The following SIK2 variants were observed in gnomAD, a reference collection of about 807,000 sequenced individuals.
The protein encoded by SIK2 is serine/threonine-protein kinase SIK2.
A neutral mutation model predicts 103.2 loss-of-function variants in SIK2; 29 were observed. The ratio of observed to expected loss-of-function variants is 0.28; its 90% CI spans 0.21 to 0.38. SIK2 has a LOEUF of 0.38. Ranked by LOEUF, SIK2 falls within the 10% of genes least tolerant of loss-of-function variation. The pLI is 1.00. For missense variants in SIK2, 879 were observed against 1,171.0 expected, an observed-to-expected ratio of 0.75 and a Z score of 3.64; for synonymous variants, 412 against 446.1, an observed-to-expected ratio of 0.92 and a Z score of 0.96.
intron 7 of SIK2, among the ~76,000 whole-genome samples, chr11:111,704,451 G>A (rs1397897965): frequency 6.6e-6 from 1 of 152,154 alleles, no homozygotes; most frequent in Non-Finnish European, 1.5e-5. Context: ...AAAAACAAGA[G>A]GAAAAAATTA....
rs1331337823 is a variant in SIK2, at chr11:111,730,117, AAAGT to A, written c.*5991_*5994del. 1.3e-5 allele frequency: 2 copies of A among 152,268 alleles called. No individual in the cohort carries two copies. The highest frequency in any genetic ancestry group is 6.5e-5 in the Admixed American group (1 of 15,294). The allele number at this position is 152,268 out of a possible 1,614,324, so 9.4% of individuals were successfully genotyped here. A position where few individuals can be genotyped will look rare whatever the true frequency, so the allele number is the denominator to read the frequency against. On this transcript the variant is annotated 3_prime_UTR_variant, in exon 15 of 15. Transcript: ENST00000304987. ...AGTGCTTATTACTTTTAGGATTAAA[AAAGT>A]AATAACAGACTTTGACTTAATACTC...
intron 3 of SIK2, among the ~76,000 whole-genome samples, chr11:111,622,041 A>G (rs778273028): frequency 3.9e-5 from 6 of 151,998 alleles, no homozygotes; most frequent in East Asian, 1.9e-4. Context: ...TCTTTAAACA[A>G]TTATCTTTTA....
chr11:111,628,690 G>C (rs1459897290), intron 3 of SIK2, among the ~76,000 whole-genome samples: 2 of 151,930 alleles, frequency 1.3e-5, no homozygotes, highest in Non-Finnish European at 2.9e-5. Flanking sequence ...GCCTCCCAAA[G>C]CACTGGATTA....
chr11:111,640,875 C>G (rs1441483732), intron 3 of SIK2, among the ~76,000 whole-genome samples: 1 of 151,850 alleles, frequency 6.6e-6, no homozygotes, highest in African/African-American at 2.4e-5. Context: ...GCTGGGACTA[C>G]AGGCCCCCGC....
intron 4 of SIK2, among the ~76,000 whole-genome samples, chr11:111,698,718 A>G (rs1943139173): frequency 6.6e-6 from 1 of 152,242 alleles, no homozygotes. Context: ...CTCAAAAAAG[A>G]AAAGAAAGAA....
intron 3 of SIK2, among the ~76,000 whole-genome samples, chr11:111,660,876 T>G: frequency 6.6e-6 from 1 of 150,922 alleles, no homozygotes; most frequent in East Asian, 1.9e-4. Context: ...GTTCTTGTTT[T>G]GTTTAAGAGA....
chr11:111,677,222 TA>T (rs1271659384), intron 3 of SIK2, among the ~76,000 whole-genome samples: 1 of 152,140 alleles, frequency 6.6e-6, no homozygotes, highest in Non-Finnish European at 1.5e-5. Context: ...AATTATTGCC[TA>T]AAAAAACAGC....
intron 2 of SIK2, among the ~76,000 whole-genome samples, chr11:111,619,493 A>G (rs1217578848): frequency 6.6e-6 from 1 of 152,142 alleles, no homozygotes; most frequent in Non-Finnish European, 1.5e-5. Context: ...ACAGGTGCAC[A>G]CCACCACACC....
intron 3 of SIK2, among the ~76,000 whole-genome samples, chr11:111,681,487 T>A (rs1942777007): frequency 1.3e-5 from 2 of 152,230 alleles, no homozygotes; most frequent in Non-Finnish European, 1.5e-5. Flanking sequence ...GATATTTCAA[T>A]ATGTTGCCTA....
At chr11:111,638,168 G>T (rs1942135029) in intron 3 of SIK2, among the ~76,000 whole-genome samples, 1 of 152,216 alleles carries the variant, frequency 6.6e-6, no homozygotes, top group Admixed American at 6.5e-5. Flanking sequence ...GGTTGCCATA[G>T]TTTTGGCCTT....
At chr11:111,619,908 A>G (rs1941859903) in intron 2 of SIK2, among the ~76,000 whole-genome samples, 1 of 152,236 alleles carries the variant, frequency 6.6e-6, no homozygotes, top group Non-Finnish European at 1.5e-5. Flanking sequence ...TTTAATCGGA[A>G]TCTACCATGA....
intron 3 of SIK2, among the ~76,000 whole-genome samples, chr11:111,638,474 C>T (rs1365664578): frequency 6.6e-6 from 1 of 152,172 alleles, no homozygotes; most frequent in Admixed American, 6.5e-5. Flanking sequence ...GTTCCTGAGT[C>T]TTTGGGGCAT....
chr11:111,720,418 C>T, intron 10 of SIK2, 60 bp from the exon 11 acceptor site: 1 of 1,485,398 alleles, frequency 6.7e-7, no homozygotes. Flanking sequence ...ATGCTTTGTA[C>T]CCTATGTTCC....
chr11:111,705,187 C>T lies in SIK2; in HGVS notation c.1101+48C>T, dbSNP rs781570444. On this transcript the variant is annotated intron_variant, in intron 8 of 14. Coordinates refer to ENST00000304987, the MANE Select transcript of SIK2 (RefSeq NM_015191.3). The surrounding 1 kb of genome is among the most constrained non-coding windows in gnomAD (Gnocchi z 4.3). ...TCTTATCTGTGCATGTGCCTGTTCACATGTTTGATACATTTTTCATCTTAT... is the reference window on the plus strand; with the variant it reads ...TCTTATCTGTGCATGTGCCTGTTCATATGTTTGATACATTTTTCATCTTAT... The T allele has an allele frequency of 1.7e-5, 25 of 1,471,996 alleles. No individual in the cohort carries two copies. The East Asian group carries it at 6.7e-4, about 39-fold the overall frequency. The allele number at this position is 1,471,996 out of a possible 1,614,324, so 91.2% of individuals were successfully genotyped here.
At chr11:111,679,252 A>G (rs141278222) in intron 3 of SIK2, among the ~76,000 whole-genome samples, 2 of 152,232 alleles carry the variant, frequency 1.3e-5, no homozygotes, top group African/African-American at 4.8e-5. Context: ...AAACTTGAAC[A>G]TATAGTCATG....
intron 4 of SIK2, among the ~76,000 whole-genome samples, chr11:111,697,298 G>A (rs1168539868): frequency 1.5e-4 from 23 of 152,146 alleles, no homozygotes. Flanking sequence ...TTTAAGAGGT[G>A]GGAACAACAT....
chr11:111,663,841 T>C (rs1942499619), intron 3 of SIK2, among the ~76,000 whole-genome samples: 2 of 152,222 alleles, frequency 1.3e-5, no homozygotes, highest in South Asian at 4.1e-4. Flanking sequence ...TTGATCCTTA[T>C]AAAAACCTTT....
At chr11:111,637,710 C>T (rs551156479) in intron 3 of SIK2, among the ~76,000 whole-genome samples, 1 of 152,246 alleles carries the variant, frequency 6.6e-6, no homozygotes, top group South Asian at 2.1e-4. Flanking sequence ...AATCCACTCA[C>T]CTCAGCCTCC....
chr11:111,621,357 T>C (rs1006865762), intron 3 of SIK2, among the ~76,000 whole-genome samples: 1 of 152,210 alleles, frequency 6.6e-6, no homozygotes, highest in Non-Finnish European at 1.5e-5. Flanking sequence ...GATATATTCT[T>C]TTTTTGGTCT....
Sources: allele counts gnomAD v4.1 joint callset (sites outside exome capture counted in the v4.1 genomes callset), GRCh38; gene constraint gnomAD v4.1.1; non-coding constraint Gnocchi (gnomAD v3.1); transcripts MANE v1.5; gene names NCBI Gene and HGNC (gene_info 2026-07-23, HGNC 2026-07-21).